HABP2: variants seen among roughly 807,000 people sequenced by gnomAD.
The protein encoded by HABP2 is factor VII-activating protease.
HABP2 carries 65 observed loss-of-function variants against 66.5 expected under a neutral mutation model. That is an observed-to-expected ratio of 0.98 (90% CI 0.80 to 1.20). The LOEUF (loss-of-function observed/expected upper bound fraction) is 1.20. Among genes scored for constraint, HABP2 ranks in the 50% most tolerant of loss-of-function variants. HABP2 has a pLI of 0.00. For missense variants in HABP2, 786 were observed against 691.0 expected, an observed-to-expected ratio of 1.14 and a Z score of -1.54; for synonymous variants, 263 against 253.9, an observed-to-expected ratio of 1.04 and a Z score of -0.34.
chr10:113,589,544 C>A lies in HABP2; in HGVS notation c.*1175C>A. The A allele has an allele frequency of 4.1e-6, 5 of 1,205,500 alleles. No individual in the cohort carries two copies. The highest frequency in any genetic ancestry group is 3.5e-6 in the Non-Finnish European group (3 of 862,890). The allele number at this position is 1,205,500 out of a possible 1,614,324, so 74.7% of individuals were successfully genotyped here. ...GAAATTAGGCGCCTTGTTTGAGCTG[C>A]GTTTCACACTTCTTTAGAGCTAGCT... On this transcript the variant is annotated 3_prime_UTR_variant, in exon 13 of 13. Transcript: ENST00000351270.
At chr10:113,586,380 C>A (rs1363992061) in intron 12 of HABP2, among the ~76,000 whole-genome samples, 4 of 149,656 alleles carry the variant, frequency 2.7e-5, no homozygotes, top group Non-Finnish European at 4.4e-5. Flanking sequence ...TCCAGAAGAC[C>A]AGTGGCTAGA....
intron 1 of HABP2, among the ~76,000 whole-genome samples, chr10:113,559,444 C>T (rs1845060225): frequency 6.6e-6 from 1 of 152,142 alleles, no homozygotes; most frequent in South Asian, 2.1e-4. Context: ...GAAACTGAGG[C>T]ACAGAGAGAC....
At chr10:113,573,453 G>T (rs967079824) in intron 2 of HABP2, among the ~76,000 whole-genome samples, 1 of 152,216 alleles carries the variant, frequency 6.6e-6, no homozygotes, top group Admixed American at 6.5e-5. Context: ...GTAAGTGTGG[G>T]AGTACCCAAG....
At chr10:113,586,065 G>A in intron 12 of HABP2, 127 bp downstream of exon 12, 1 of 799,862 alleles carries the variant, frequency 1.3e-6, no homozygotes, top group Non-Finnish European at 2.0e-6. Context: ...CTAAGACACA[G>A]GTGAGCTGTG....
intron 3 of HABP2, among the ~76,000 whole-genome samples, chr10:113,575,620 A>G (rs1316067310): frequency 6.6e-6 from 1 of 152,132 alleles, no homozygotes; most frequent in Non-Finnish European, 1.5e-5. Context: ...GGAGTTTCTC[A>G]ATGAGAAAGG....
intron 3 of HABP2, among the ~76,000 whole-genome samples, chr10:113,575,676 C>T (rs982666975): frequency 2.0e-5 from 3 of 152,144 alleles, no homozygotes; most frequent in South Asian, 2.1e-4. Context: ...GGTTCCTTCT[C>T]GCCTCTCCTC....
In HABP2 at chr10:113,574,414, CA is replaced by C; in HGVS notation, c.223+12del. 7.4e-7 allele frequency: 1 copy of C among 1,351,732 alleles called. No individual in the cohort carries two copies. The highest frequency in any genetic ancestry group is 1.1e-6 in the Non-Finnish European group (1 of 939,404). The allele number at this position is 1,351,732 out of a possible 1,614,324, so 83.7% of individuals were successfully genotyped here. A position where few individuals can be genotyped will look rare whatever the true frequency, so the allele number is the denominator to read the frequency against. On this transcript the variant is annotated intron_variant, in intron 3 of 12. Transcript: ENST00000351270. ...CACTGAGGACCAAGCTGGTAGGTAC[CA>C]AATCTCTTTCAGGGACTCTCCTGGG...
In HABP2 at chr10:113,580,611, G is replaced by A. The variant is rs776896719; in HGVS notation, c.757G>A (p.Glu253Lys). 41 of 1,582,226 alleles carry A rather than the reference G, an allele frequency of 2.6e-5. No individual in the cohort carries two copies. The highest frequency in any genetic ancestry group is 3.4e-5 in the Non-Finnish European group (39 of 1,151,158). ...HNFCRNPDAD[E>K]KPWCFIKVTN... is the part of the protein sequence containing the mutation. The stretch of plus-strand genomic sequence containing the variant: ...GTATTTTAGAAACCCAGATGCGGAC[G>A]AAAAGCCCTGGTGCTTTATTAAAGT... The change falls in exon 8 of 13, where the codon GAA becomes AAA. Residue 253 changes from glutamate to lysine, a missense_variant. Coordinates refer to ENST00000351270, the MANE Select transcript of HABP2 (RefSeq NM_004132.5).
intron 9 of HABP2, 71 bp downstream of exon 9, chr10:113,582,202 C>G: frequency 6.9e-7 from 1 of 1,451,324 alleles, no homozygotes; most frequent in Non-Finnish European, 9.2e-7. Context: ...CCCCTCTGAG[C>G]AGCATCTTTG....
chr10:113,554,780 C>T (rs979223293), intron 1 of HABP2, among the ~76,000 whole-genome samples: 4 of 152,178 alleles, frequency 2.6e-5, no homozygotes, highest in African/African-American at 9.7e-5. Context: ...CGAAAAATCC[C>T]TTTTTTGCAA....
At position 113,580,684 on chromosome 10, in the gene HABP2, C is replaced by T. The variant is rs140350069; in HGVS notation, c.830C>T (p.Ser277Leu). 1.0e-3 allele frequency: 1,560 copies of T among 1,555,370 alleles called. 15 individuals are homozygous for T. In the African/African-American group the frequency reaches 0.018, roughly 18 times the overall value. Residue 277 changes from serine to leucine, a missense_variant, in exon 8 of 13, where the codon TCA becomes TTA. Ser to Leu is a moderately radical substitution (Grantham distance 145). Transcript: ENST00000351270. ...KWEYCDVSAC[S>L]AQDVAYPEES... Reference sequence around the variant, plus strand: ...GAATACTGTGATGTCTCAGCCTGCTCAGCCCAGGGTAAAGGCCATGGCTGT... The same window carrying T: ...GAATACTGTGATGTCTCAGCCTGCTTAGCCCAGGGTAAAGGCCATGGCTGT...
At chr10:113,564,474 G>A (rs11196378) in intron 1 of HABP2, among the ~76,000 whole-genome samples, 49,341 of 151,666 alleles carry the variant, frequency 0.33, 9,335 homozygotes, top group East Asian at 0.51. Context: ...CCTCCCCACT[G>A]CCAACCCCCA....
At chr10:113,558,846 T>C (rs947078273) in intron 1 of HABP2, among the ~76,000 whole-genome samples, 23 of 152,164 alleles carry the variant, frequency 1.5e-4, no homozygotes, top group Non-Finnish European at 7.3e-5. Context: ...TTTTGTCCAC[T>C]TGCTTGTCTT....
Position 113,582,113 on chromosome 10 carries a change from C to T in HABP2, c.1076C>T (p.Thr359Ile). The change falls in exon 9 of 13, where the codon ACT (threonine) becomes ATT (isoleucine). Residue 359 changes from threonine (T) to isoleucine (I), a missense_variant. Physicochemically the swap from Thr to Ile is moderately conservative, Grantham distance 89. Transcript: ENST00000351270. ...GALIHPCWVL[T>I]AAHCTDIKTR... is the part of the protein sequence containing the mutation. ...CTGATCCACCCCTGCTGGGTGCTCA[C>T]TGCTGCCCACTGCACCGAGTAGGTG... The T allele has an allele frequency of 6.2e-7, 1 of 1,607,082 alleles. No homozygotes were observed.
chr10:113,586,480 G>C (rs866145741), intron 12 of HABP2, among the ~76,000 whole-genome samples: 4 of 139,994 alleles, frequency 2.9e-5, no homozygotes, highest in Non-Finnish European at 6.2e-5. Context: ...GTGTGTGGGG[G>C]GGGGGGGGGT....
rs150181899 is a variant in HABP2, at chr10:113,588,772, A to G, written c.*403A>G. ...AGCCCAGACACTCGAGGCACTCAAC[A>G]GAATCAGCCATCCACGTCTAGGTAT... On this transcript the variant is annotated 3_prime_UTR_variant, in exon 13 of 13. Transcript: ENST00000351270. The G allele has an allele frequency of 1.7e-6, 1 of 583,292 alleles. No individual in the cohort carries two copies. Among genetic ancestry groups the G allele is most frequent in the Non-Finnish European group, 3.0e-6 (1 of 329,440 alleles). The allele number at this position is 583,292 out of a possible 1,614,324, so 36.1% of individuals were successfully genotyped here.
chr10:113,552,706 T>C (rs1201372740), upstream of HABP2, among the ~76,000 whole-genome samples: 1 of 152,190 alleles, frequency 6.6e-6, no homozygotes. Flanking sequence ...ACCAGAAGTC[T>C]ATTAACATTC....
intron 12 of HABP2, among the ~76,000 whole-genome samples, chr10:113,586,926 T>C (rs1392828553): frequency 1.3e-5 from 2 of 152,224 alleles, no homozygotes; most frequent in African/African-American, 4.8e-5. Flanking sequence ...TATCTGTCTC[T>C]TCCCAGTGAG....
At chr10:113,575,500 C>G (rs1204662798) in intron 3 of HABP2, among the ~76,000 whole-genome samples, 2 of 152,096 alleles carry the variant, frequency 1.3e-5, no homozygotes, top group African/African-American at 4.8e-5. Context: ...CCCCTGGGCA[C>G]TGGAAGTAGG....
Sources: allele counts gnomAD v4.1 joint callset (sites outside exome capture counted in the v4.1 genomes callset), GRCh38; gene constraint gnomAD v4.1.1; transcripts MANE v1.5; gene names NCBI Gene and HGNC (gene_info 2026-07-23, HGNC 2026-07-21).